Variants in ZNF782 observed in about 807,000 individuals in gnomAD.
The protein encoded by ZNF782 is zinc finger protein 782.
ZNF782 carries 12 observed loss-of-function variants against 13.0 expected under a neutral mutation model. The observed-to-expected ratio is 0.92, with a 90% CI of 0.59 to 1.50. The LOEUF (loss-of-function observed/expected upper bound fraction) is 1.50. ZNF782 is among the 40% of genes most tolerant of loss of function. The pLI, the probability that ZNF782 is intolerant of heterozygous loss-of-function variation, is 0.00. For missense variants in ZNF782, 770 were observed against 822.9 expected (o/e 0.94, Z 0.79); for synonymous variants, 284 against 283.0 (o/e 1.00, Z -0.04).
At chr9:96,931,032 T>C in the ZNF782 span, among the ~76,000 whole-genome samples, 5 of 151,730 alleles carry the variant, frequency 3.3e-5, no homozygotes, top group Admixed American at 2.0e-4. Context: ...GTAGCTGCGA[T>C]TACAGGCACG....
the ZNF782 span, chr9:96,910,248 A>G: frequency 9.2e-6 from 6 of 654,784 alleles, no homozygotes; most frequent in Non-Finnish European, 1.7e-5. Context: ...GAAGGGGAAG[A>G]AAGTGGGGAG....
rs907590345 is a variant in ZNF782, at chr9:96,819,484, G to T, written c.539C>A (p.Thr180Asn). The T allele has an allele frequency of 2.5e-6, 4 of 1,613,786 alleles. No individual in the cohort carries two copies. Among genetic ancestry groups the T allele is most frequent in the Non-Finnish European group, 8.5e-7 (1 of 1,179,994 alleles). ...KWLISIKDGR[T>N]NTQEKSFAYS... is the part of the protein sequence containing the mutation. ...AGCGAAAGATTTCTCTTGAGTGTTA[G>T]TTCTGCCATCCTTAATACTGATGAG... Residue 180 changes from threonine to asparagine, a missense_variant, in exon 6 of 6, where the codon ACT becomes AAT. Transcript: ENST00000481138.
chr9:96,876,971 A>AG (rs1379941176), upstream of ZNF782, among the ~76,000 whole-genome samples: 153 of 127,952 alleles, frequency 1.2e-3, no homozygotes, highest in Non-Finnish European at 1.9e-3. Flanking sequence ...AAAAAAAAAA[A>AG]AAGAAGAAGA....
rs750051338 is a variant in ZNF782 at position 96,817,396 on chromosome 9, G to C, written c.*527C>G. On this transcript the variant is annotated 3_prime_UTR_variant, in exon 6 of 6. Transcript: ENST00000481138. ...GTAGGTTAAAATGAGGGTTGACATGGCAGAAGAATTTCCCACATCCATTAA... is the reference window on the plus strand; with the variant it reads ...GTAGGTTAAAATGAGGGTTGACATGCCAGAAGAATTTCCCACATCCATTAA... The C allele has an allele frequency of 1.3e-5, 2 of 152,644 alleles. No individual in the cohort carries two copies. The highest frequency in any genetic ancestry group is 4.8e-5 in the African/African-American group (2 of 41,550). The allele number at this position is 152,644 out of a possible 1,614,324, so 9.5% of individuals were successfully genotyped here.
the ZNF782 span, among the ~76,000 whole-genome samples, chr9:96,927,434 A>G: frequency 0.021 from 3,153 of 148,242 alleles, 140 homozygotes; most frequent in East Asian, 0.22. Flanking sequence ...AGCTGAGAAC[A>G]GTATAATGGC....
chr9:96,877,800 AT>A, upstream of ZNF782, among the ~76,000 whole-genome samples: 1 of 152,332 alleles, frequency 6.6e-6, no homozygotes, highest in East Asian at 1.9e-4. Flanking sequence ...CTTACTCGGT[AT>A]CATGTGTGCT....
rs572121218 is a variant in ZNF782, at chr9:96,826,378, A to G, written c.244+702T>C. 4.7e-3 allele frequency among the ~76,000 whole-genome samples: 701 copies of G among 150,688 alleles called. 8 individuals carry two copies. The highest frequency in any genetic ancestry group is 0.016 in the African/African-American group (670 of 40,944). ...AACACATGGACACAGGAAGGGGAAC[A>G]TCACACTCTGGGGACTGTTGTGGGG... On this transcript the variant is annotated intron_variant, in intron 5 of 5. Transcript: ENST00000481138.
chr9:96,915,359 T>C, the ZNF782 span, among the ~76,000 whole-genome samples: 161 of 151,836 alleles, frequency 1.1e-3, 1 homozygote, highest in African/African-American at 3.6e-3. Context: ...GCTGTTGTAA[T>C]TGTGTTTTTG....
chr9:96,818,159 C>G lies in ZNF782; in HGVS notation c.1864G>C (p.Glu622Gln), dbSNP rs935966612. 6.2e-7 allele frequency: 1 copy of G among 1,613,672 alleles called. No homozygotes were observed. The highest frequency in any genetic ancestry group is 8.5e-7 in the Non-Finnish European group (1 of 1,179,962). Reference protein sequence around the residue: ...HTGEKPYECNECGKAFSEKSV... With the variant: ...HTGEKPYECNQCGKAFSEKSV... ...TTCTCACTGAAAGCTTTTCCACATTCATTACATTCATAGGGCTTCTCCCCA... is the reference window on the plus strand; with the variant it reads ...TTCTCACTGAAAGCTTTTCCACATTGATTACATTCATAGGGCTTCTCCCCA... The change falls in exon 6 of 6, where the codon GAA becomes CAA. Residue 622 changes from glutamate to glutamine, a missense_variant. Physicochemically the swap from Glu to Gln is conservative, Grantham distance 29. Coordinates refer to ENST00000481138, the MANE Select transcript of ZNF782 (RefSeq NM_001001662.3).
the ZNF782 span, among the ~76,000 whole-genome samples, chr9:96,932,958 A>T: frequency 7.1e-6 from 1 of 141,258 alleles, no homozygotes; most frequent in Admixed American, 7.0e-5. Flanking sequence ...CCCAATACTT[A>T]CTTTCTTTTC....
chr9:96,910,053 T>A, the ZNF782 span: 1 of 580,146 alleles, frequency 1.7e-6, no homozygotes, highest in Non-Finnish European at 3.4e-6. Context: ...ATCCCCTGCA[T>A]CAGATCACCG....
chr9:96,847,012 A>C (rs1851359342), intron 3 of ZNF782, among the ~76,000 whole-genome samples: 1 of 152,200 alleles, frequency 6.6e-6, no homozygotes. Flanking sequence ...AGCAGAATAA[A>C]ACTAGGGATG....
chr9:96,930,830 A>AG, the ZNF782 span, among the ~76,000 whole-genome samples: 1 of 130,042 alleles, frequency 7.7e-6, no homozygotes, highest in East Asian at 2.6e-4. Context: ...GGTTATCTTC[A>AG]GGGTTCCTAG....
chr9:96,853,960 G>A (rs1042558088), intron 1 of ZNF782, 128 bp downstream of exon 1: 5 of 152,240 alleles, frequency 3.3e-5, no homozygotes, highest in African/African-American at 9.6e-5. Context: ...TACAGGTGGT[G>A]ACTTAAAGTT....
intron 4 of ZNF782, among the ~76,000 whole-genome samples, chr9:96,835,196 C>A (rs1208900694): frequency 5.3e-5 from 8 of 152,128 alleles, no homozygotes; most frequent in Admixed American, 5.2e-4. Context: ...CAGCAAAGTG[C>A]TCAAGAAGTG....
chr9:96,905,578 CT>C, the ZNF782 span, among the ~76,000 whole-genome samples: 25 of 147,840 alleles, frequency 1.7e-4, no homozygotes, highest in Non-Finnish European at 2.0e-4. Context: ...TATTCCCTTA[CT>C]TTTTTTTTTC....
Position 96,818,114 on chromosome 9 carries a change from G to A in ZNF782, c.1909C>T (p.Gln637Ter), listed in dbSNP as rs1850238024. Residue 637 changes from glutamine to a stop codon, truncating the protein, a stop_gained, in exon 6 of 6, where the codon CAG becomes TAG. Coordinates refer to ENST00000481138, the MANE Select transcript of ZNF782 (RefSeq NM_001001662.3). LOFTEE classifies it low-confidence loss of function (END_TRUNC). ...GGTTTCTCCCCGGTGTGAGTTCGCT[G>A]ATGTTTTCTTAGGACTGACTTCTCA... The part of the protein sequence containing the change: ...FSEKSVLRKH[Q>*]RTHTGEKPYN... The A allele has an allele frequency of 6.2e-7, 1 of 1,613,972 alleles. No individual in the cohort carries two copies. Among genetic ancestry groups the A allele is most frequent in the African/African-American group, 1.3e-5 (1 of 74,990 alleles).
At chr9:96,898,750 T>C in the ZNF782 span, among the ~76,000 whole-genome samples, 1 of 146,698 alleles carries the variant, frequency 6.8e-6, no homozygotes, top group African/African-American at 2.6e-5. Context: ...TTTTACCATG[T>C]TGGCCAGGCT....
At chr9:96,912,256 AC>A in the ZNF782 span, among the ~76,000 whole-genome samples, 1 of 141,790 alleles carries the variant, frequency 7.1e-6, no homozygotes, top group African/African-American at 2.6e-5. Flanking sequence ...AGTGGCTCAC[AC>A]CTGTAATCTC....
Sources: gnomAD v4.1 joint callset for allele counts (sites outside exome capture counted in the v4.1 genomes callset) on GRCh38, gnomAD v4.1.1 for gene constraint, MANE v1.5 for transcripts, NCBI Gene and HGNC (gene_info 2026-07-23, HGNC 2026-07-21) for gene names.